Variants in QKI observed in about 807,000 individuals in gnomAD.
QKI encodes QKI, KH domain containing RNA binding, also known as KH domain-containing RNA-binding protein QKI.
QKI carries 10 observed loss-of-function variants against 39.0 expected under a neutral mutation model. The ratio of observed to expected loss-of-function variants is 0.26; its 90% CI spans 0.16 to 0.43. The LOEUF is 0.43. Ranked by LOEUF, QKI falls within the 20% of genes least tolerant of loss-of-function variation. QKI has a pLI of 1.00. For synonymous variants in QKI, 204 were observed against 155.4 expected, an observed-to-expected ratio of 1.31 and a Z score of -2.33; for missense variants, 218 against 428.0, an observed-to-expected ratio of 0.51 and a Z score of 4.33.
chr6:163,567,282 C>G, intron 7 of QKI: 4 of 987,502 alleles, frequency 4.1e-6, no homozygotes, highest in Non-Finnish European at 4.8e-6. Flanking sequence ...ATTTGAGCCA[C>G]TGTATAAACA....
intron 4 of QKI, among the ~76,000 whole-genome samples, chr6:163,557,116 A>C (rs952325077): frequency 2.6e-5 from 4 of 152,238 alleles, no homozygotes. Context: ...GATAAATAAC[A>C]TACTACTCAG....
intron 4 of QKI, among the ~76,000 whole-genome samples, chr6:163,546,379 A>G (rs1781875842): frequency 6.6e-6 from 1 of 151,938 alleles, no homozygotes; most frequent in South Asian, 2.1e-4. Context: ...AATTAGTAAA[A>G]ACATTAAGAA....
At chr6:163,462,646 A>G (rs763578649) in intron 2 of QKI, among the ~76,000 whole-genome samples, 1 of 152,212 alleles carries the variant, frequency 6.6e-6, no homozygotes, top group Admixed American at 6.5e-5. Flanking sequence ...CTTGAACACT[A>G]AAAAGGATAT....
intron 2 of QKI, among the ~76,000 whole-genome samples, chr6:163,460,139 C>T (rs1791236507): frequency 6.6e-6 from 1 of 152,180 alleles, no homozygotes; most frequent in Non-Finnish European, 1.5e-5. Flanking sequence ...CTGTTAAATA[C>T]ATGAACAGAT....
At chr6:163,452,337 C>G (rs969829402) in intron 1 of QKI, among the ~76,000 whole-genome samples, 1 of 151,366 alleles carries the variant, frequency 6.6e-6, no homozygotes, top group African/African-American at 2.4e-5. Flanking sequence ...TCATTACTAT[C>G]TTATACATTA....
intron 3 of QKI, among the ~76,000 whole-genome samples, chr6:163,521,587 A>C (rs568330146): frequency 6.6e-6 from 1 of 152,224 alleles, no homozygotes; most frequent in South Asian, 2.1e-4. Context: ...CAGTGGCATG[A>C]TCTCGGCTCA....
chr6:163,521,023 A>G (rs773133760), intron 3 of QKI, among the ~76,000 whole-genome samples: 1 of 152,084 alleles, frequency 6.6e-6, no homozygotes, highest in Non-Finnish European at 1.5e-5. Flanking sequence ...ACGTAAAATT[A>G]CCCTTGGTTT....
Position 163,575,314 on chromosome 6 carries a change from A to G in QKI, c.*4604A>G, listed in dbSNP as rs993782151. 2 of 152,224 alleles carry G rather than the reference A, an allele frequency of 1.3e-5. No homozygotes were observed. The highest frequency in any genetic ancestry group is 2.9e-5 in the Non-Finnish European group (2 of 68,034). The allele number at this position is 152,224 out of a possible 1,614,324, so 9.4% of individuals were successfully genotyped here. A position where few individuals can be genotyped will look rare whatever the true frequency, so the allele number is the denominator to read the frequency against. ...ATTTTCAGTTAAGGGTACTTTATGTATAATTATGTCATTGCTGCCTTTTAT... is the reference window on the plus strand; with the variant it reads ...ATTTTCAGTTAAGGGTACTTTATGTGTAATTATGTCATTGCTGCCTTTTAT... On this transcript the variant is annotated 3_prime_UTR_variant, in exon 8 of 8. Transcript: ENST00000361752.
chr6:163,476,300 A>G (rs1792601888), intron 2 of QKI, among the ~76,000 whole-genome samples: 1 of 146,096 alleles, frequency 6.8e-6, no homozygotes. Flanking sequence ...TTTTTAAATC[A>G]TCTTCTTTGT....
chr6:163,569,500 T>C (rs1454044987), intron 7 of QKI: 1 of 1,267,414 alleles, frequency 7.9e-7, no homozygotes, highest in Non-Finnish European at 1.0e-6. Flanking sequence ...ATAATTAAGC[T>C]GTTGAATGAG....
intron 3 of QKI, among the ~76,000 whole-genome samples, chr6:163,527,524 A>G (rs190177439): frequency 3.3e-5 from 5 of 152,286 alleles, no homozygotes; most frequent in African/African-American, 1.2e-4. Flanking sequence ...CTACAAATGC[A>G]TAATTAAGAG....
At chr6:163,468,311 T>C (rs1393231645) in intron 2 of QKI, among the ~76,000 whole-genome samples, 2 of 152,196 alleles carry the variant, frequency 1.3e-5, no homozygotes, top group African/African-American at 4.8e-5. Flanking sequence ...AAAGTGCATT[T>C]TTTAAATGAA....
At chr6:163,449,016 A>G (rs1790358778) in intron 1 of QKI, among the ~76,000 whole-genome samples, 2 of 152,154 alleles carry the variant, frequency 1.3e-5, no homozygotes, top group Admixed American at 1.3e-4. Flanking sequence ...TTTTAAATAG[A>G]TTACTAATAT....
At chr6:163,445,460 A>C (rs530029931) in intron 1 of QKI, among the ~76,000 whole-genome samples, 2 of 152,030 alleles carry the variant, frequency 1.3e-5, no homozygotes, top group South Asian at 4.2e-4. Context: ...TGACCTTGAC[A>C]CTTTTGAAGA....
chr6:163,438,692 C>A (rs1789498052), intron 1 of QKI, among the ~76,000 whole-genome samples: 1 of 150,958 alleles, frequency 6.6e-6, no homozygotes, highest in African/African-American at 2.4e-5. Flanking sequence ...AAGCACTTAC[C>A]ATAAATGGGG....
At chr6:163,434,948 A>G (rs1789133809) in intron 1 of QKI, among the ~76,000 whole-genome samples, 3 of 152,262 alleles carry the variant, frequency 2.0e-5, no homozygotes, top group Admixed American at 6.5e-5. Flanking sequence ...TACAGATGGT[A>G]AATTAAACTG....
chr6:163,525,810 A>G (rs1021906509), intron 3 of QKI, among the ~76,000 whole-genome samples: 1 of 152,202 alleles, frequency 6.6e-6, no homozygotes, highest in Non-Finnish European at 1.5e-5. Flanking sequence ...GGTTTAACTG[A>G]GTACATTGAG....
intron 4 of QKI, among the ~76,000 whole-genome samples, chr6:163,556,525 CAACA>C (rs1782632837): frequency 2.1e-5 from 2 of 94,216 alleles, no homozygotes; most frequent in African/African-American, 7.5e-5. Context: ...AAAAAAAAAA[CAACA>C]AACAACAGAA....
intron 1 of QKI, among the ~76,000 whole-genome samples, chr6:163,430,425 G>A (rs1788733100): frequency 6.6e-6 from 1 of 151,628 alleles, no homozygotes; most frequent in African/African-American, 2.4e-5. Flanking sequence ...TTATCTGTAT[G>A]CTTAATTTGG....
Sources: allele counts gnomAD v4.1 joint callset (sites outside exome capture counted in the v4.1 genomes callset), GRCh38; gene constraint gnomAD v4.1.1; transcripts MANE v1.5; gene names NCBI Gene and HGNC (gene_info 2026-07-23, HGNC 2026-07-21).